FBN1: variants seen among roughly 807,000 people sequenced by gnomAD.
FBN1 encodes fibrillin-1.
Under a neutral mutation model 365.1 loss-of-function variants are expected in FBN1, and 29 were observed. That is an observed-to-expected ratio of 0.08 (90% CI 0.06 to 0.11). The LOEUF (loss-of-function observed/expected upper bound fraction) is 0.11, where lower values mean the gene tolerates loss of function less well. FBN1 is among the 10% of genes least tolerant of loss of function. The probability of loss-of-function intolerance (pLI) is 1.00; values close to 1 mark genes in which losing one functional copy is unlikely to be tolerated. For missense variants in FBN1, 2,476 were observed against 3,703.2 expected (o/e 0.67, Z 8.60); for synonymous variants, 1,210 against 1,270.5 (o/e 0.95, Z 1.01).
rs770395971 is a variant in FBN1, at chr15:48,495,166, G to A, written c.2634C>T (p.Ser878=). 6 of 1,614,164 alleles carry A rather than the reference G, an allele frequency of 3.7e-6. No individual in the cohort carries two copies. Among genetic ancestry groups the A allele is most frequent in the South Asian group, 2.2e-5 (2 of 91,074 alleles). Residue 878 remains serine (S), a synonymous_variant, in exon 22 of 66, where the codon TCC becomes TCT. Transcript: ENST00000316623. ...GATLKSQCCS[S]LGAAWGSPCT... ...ACGGGCTTCCCCACGCAGCACCGAGGGAGGAGCAGCACTGGGACTTTAAGG... is the reference window on the plus strand; with the variant it reads ...ACGGGCTTCCCCACGCAGCACCGAGAGAGGAGCAGCACTGGGACTTTAAGG...
intron 62 of FBN1, among the ~76,000 whole-genome samples, chr15:48,421,334 A>G (rs187721409): frequency 4.6e-5 from 7 of 152,338 alleles, no homozygotes; most frequent in African/African-American, 1.7e-4. Flanking sequence ...CTTAGCAGAA[A>G]AAGTCTTGAT....
At position 48,598,947 on chromosome 15, in the gene FBN1, T is replaced by G. The variant is rs1367866515; in HGVS notation, c.442+1192A>C. Reference sequence around the variant, plus strand: ...TAAGTCTCACAAGATCTGATGGTTATCATAAGGGGGAGTTTTCCTGCACAA... The same window carrying G: ...TAAGTCTCACAAGATCTGATGGTTAGCATAAGGGGGAGTTTTCCTGCACAA... On this transcript the variant is annotated intron_variant, in intron 5 of 65. Transcript: ENST00000316623. Among the ~76,000 whole-genome samples, 3 of 152,156 alleles carry G rather than the reference T, an allele frequency of 2.0e-5. No individual in the cohort carries two copies. In the East Asian group the frequency reaches 5.8e-4, roughly 29 times the overall value.
At chr15:48,577,434 C>A (rs1050816685) in intron 6 of FBN1, among the ~76,000 whole-genome samples, 59 of 152,260 alleles carry the variant, frequency 3.9e-4, no homozygotes, top group African/African-American at 1.4e-3. Context: ...ACTCAGTTCT[C>A]AAAATTAAAA....
At chr15:48,441,654 T>C in intron 50 of FBN1, 67 bp downstream of exon 50, 1 of 1,601,570 alleles carries the variant, frequency 6.2e-7, no homozygotes, top group Non-Finnish European at 8.5e-7. Context: ...TTTGCCATGT[T>C]TGAAAAATAA....
rs770939266 is a variant in FBN1 at position 48,432,882 on chromosome 15, G to A, written c.6723C>T (p.Asp2241=). The A allele has an allele frequency of 1.2e-6, 2 of 1,613,586 alleles. No homozygotes were observed. Among genetic ancestry groups the A allele is most frequent in the Admixed American group, 3.3e-5 (2 of 60,000 alleles). ...ATGACTCACCTTTGCACATCCTACG[G>A]TCTTCTCTGAGCACATATCCCACGG... The part of the protein sequence containing the change: ...KCPVGYVLRE[D]RRMCKDEDEC... The change falls in exon 55 of 66, where the codon GAC becomes GAT. Residue 2241 remains aspartate, a synonymous_variant. Coordinates refer to ENST00000316623, the MANE Select transcript of FBN1 (RefSeq NM_000138.5).
intron 6 of FBN1, among the ~76,000 whole-genome samples, chr15:48,561,817 A>G (rs187748285): frequency 6.1e-4 from 93 of 152,332 alleles, no homozygotes; most frequent in Non-Finnish European, 1.0e-3. Context: ...ACAGCAGAGC[A>G]AATATGAAGG....
At position 48,468,466 on chromosome 15, in the gene FBN1, T is replaced by C; in HGVS notation, c.4528A>G (p.Ile1510Val). The C allele has an allele frequency of 6.2e-7, 1 of 1,614,150 alleles. No homozygotes were observed. Among genetic ancestry groups the C allele is most frequent in the African/African-American group, 1.3e-5 (1 of 75,024 alleles). ...GNCVNTPGSY[I>V]CDCPPDFELN... ...TCAAAATCAGGTGGGCAGTCACAGA[T>C]ATAGCTGCCTGGAGTGTTGACACAG... Residue 1510 changes from isoleucine (I) to valine (V), a missense_variant, in exon 37 of 66, where the codon ATC becomes GTC. This residue lies in a region of FBN1 where 1,780 missense variants were observed against 2,840.8 expected (regional missense o/e 0.63). Coordinates refer to ENST00000316623, the MANE Select transcript of FBN1 (RefSeq NM_000138.5).
intron 32 of FBN1, among the ~76,000 whole-genome samples, chr15:48,478,107 T>C (rs111570795): frequency 1.3e-5 from 2 of 152,340 alleles, no homozygotes; most frequent in African/African-American, 4.8e-5. Context: ...AGCTGTGCAC[T>C]GCAGAAACTC....
chr15:48,520,264 G>A (rs554595161), intron 10 of FBN1, among the ~76,000 whole-genome samples: 1 of 152,206 alleles, frequency 6.6e-6, no homozygotes, highest in South Asian at 2.1e-4. Flanking sequence ...GACTTAGCAG[G>A]AAGGAAAGAG....
intron 6 of FBN1, among the ~76,000 whole-genome samples, chr15:48,547,492 A>C (rs1472520016): frequency 2.0e-5 from 3 of 152,208 alleles, no homozygotes; most frequent in Non-Finnish European, 4.4e-5. Flanking sequence ...CAATTCTGAG[A>C]GATCTGGTGG....
intron 19 of FBN1, among the ~76,000 whole-genome samples, chr15:48,496,890 A>G (rs896698304): frequency 2.0e-5 from 3 of 152,184 alleles, no homozygotes; most frequent in Non-Finnish European, 2.9e-5. Flanking sequence ...ATTAAGTCTA[A>G]TAAATGGTTG....
In FBN1 at chr15:48,581,001, A is replaced by G. The variant is rs539351929; in HGVS notation, c.538+15282T>C. Among the ~76,000 whole-genome samples, 398 of 152,318 alleles carry G rather than the reference A, an allele frequency of 2.6e-3. 2 individuals carry two copies. Among genetic ancestry groups the G allele is most frequent in the Non-Finnish European group, 4.9e-3 (330 of 68,028 alleles). On this transcript the variant is annotated intron_variant, in intron 6 of 65. Transcript: ENST00000316623. The stretch of plus-strand genomic sequence containing the variant: ...TGACTTGAACTTGCTGTCATTGAGT[A>G]ACTGAGGCTGGGTGAGCTCAGAACA...
chr15:48,583,161 C>G (rs1255180899), intron 6 of FBN1, among the ~76,000 whole-genome samples: 1 of 152,210 alleles, frequency 6.6e-6, no homozygotes, highest in South Asian at 2.1e-4. Context: ...TATTATACAT[C>G]TCCAGTCATT....
intron 40 of FBN1, among the ~76,000 whole-genome samples, 188 bp from the exon 41 acceptor site, chr15:48,464,209 G>A (rs1173396734): frequency 6.6e-6 from 1 of 152,120 alleles, no homozygotes; most frequent in Non-Finnish European, 1.5e-5. Context: ...AGGAAAGAGG[G>A]TTTTAGAAAA....
rs747867422 is a variant in FBN1, at chr15:48,432,876, C to A, written c.6729G>T (p.Arg2243Ser). The change falls in exon 55 of 66, where the codon AGG becomes AGT. Residue 2243 changes from arginine (R) to serine (S), a missense_variant. Arg to Ser is a moderately radical substitution (Grantham distance 110, BLOSUM62 -1). Coordinates refer to ENST00000316623, the MANE Select transcript of FBN1 (RefSeq NM_000138.5). Reference sequence around the variant, plus strand: ...AACACGATGACTCACCTTTGCACATCCTACGGTCTTCTCTGAGCACATATC... The same window carrying A: ...AACACGATGACTCACCTTTGCACATACTACGGTCTTCTCTGAGCACATATC... Reference protein sequence around the residue: ...PVGYVLREDRRMCKDEDECEE... With the variant: ...PVGYVLREDRSMCKDEDECEE... 1 of 1,613,670 alleles carries A rather than the reference C, an allele frequency of 6.2e-7. No homozygotes were observed. The highest frequency in any genetic ancestry group is 8.5e-7 in the Non-Finnish European group (1 of 1,179,628).
chr15:48,452,418 T>C (rs892532472), intron 45 of FBN1, 144 bp downstream of exon 45: 16 of 953,014 alleles, frequency 1.7e-5, no homozygotes, highest in South Asian at 1.1e-4. Context: ...CTTTTTCCAA[T>C]TTAGTTTAAT....
Position 48,437,865 on chromosome 15 carries a change from T to A in FBN1, c.6216A>T (p.Ser2072=). Residue 2072 remains serine, a synonymous_variant, in exon 51 of 66, where the codon TCA becomes TCT. Coordinates refer to ENST00000316623, the MANE Select transcript of FBN1 (RefSeq NM_000138.5). ...GCTTGGAGTGATTTCTGGATTTGGG[T>A]GATGAACACTTTCCTCCTTCAAACT... The part of the protein sequence containing the change: ...YAKFEGGKCS[S]PKSRNHSKQE... 1 of 1,613,872 alleles carries A rather than the reference T, an allele frequency of 6.2e-7. No individual in the cohort carries two copies. The highest frequency in any genetic ancestry group is 8.5e-7 in the Non-Finnish European group (1 of 1,179,838).
At chr15:48,548,727 A>G (rs1193943269) in intron 6 of FBN1, among the ~76,000 whole-genome samples, 1 of 152,232 alleles carries the variant, frequency 6.6e-6, no homozygotes, top group East Asian at 1.9e-4. Context: ...AATAAGAGAC[A>G]GCATTAAAAG....
chr15:48,643,937 T>C (rs1405065978), intron 2 of FBN1: 1 of 152,260 alleles, frequency 6.6e-6, no homozygotes, highest in African/African-American at 2.4e-5. Context: ...CAGTTGCATG[T>C]ACACAACACA....
Sources: gnomAD v4.1 joint callset for allele counts (sites outside exome capture counted in the v4.1 genomes callset) on GRCh38, gnomAD v4.1.1 for gene constraint, gnomAD v4.1.1 regional missense constraint, MANE v1.5 for transcripts, NCBI Gene and HGNC (gene_info 2026-07-23, HGNC 2026-07-21) for gene names.